Variants in SGPP2 observed in about 807,000 individuals in gnomAD.
The protein encoded by SGPP2 is sphingosine 1-phosphate phosphohydrolase 2.
In SGPP2, 30 loss-of-function variants were observed where a neutral mutation model predicts 33.9. That is an observed-to-expected ratio of 0.89 (90% CI 0.66 to 1.20). The LOEUF (loss-of-function observed/expected upper bound fraction) is 1.20. SGPP2 is among the 50% of genes most tolerant of loss of function. The pLI is 0.00. For synonymous variants in SGPP2, 233 were observed against 225.0 expected, an observed-to-expected ratio of 1.04 and a Z score of -0.32; for missense variants, 458 against 532.1, an observed-to-expected ratio of 0.86 and a Z score of 1.37.
chr2:222,487,846 A>T (rs767012678), intron 2 of SGPP2, among the ~76,000 whole-genome samples: 5 of 151,954 alleles, frequency 3.3e-5, no homozygotes, highest in Non-Finnish European at 7.4e-5. Flanking sequence ...GTCACTTAAC[A>T]CCCACCTCCC....
intron 2 of SGPP2, among the ~76,000 whole-genome samples, chr2:222,516,647 A>G (rs75767744): frequency 0.013 from 1,930 of 152,232 alleles, 25 homozygotes; most frequent in African/African-American, 0.031. Flanking sequence ...CTACCAAACT[A>G]TTTTCCAAAG....
intron 4 of SGPP2, among the ~76,000 whole-genome samples, chr2:222,539,913 A>C (rs1316996805): frequency 6.6e-6 from 1 of 152,182 alleles, no homozygotes; most frequent in Non-Finnish European, 1.5e-5. Context: ...ACTATGGGAA[A>C]CCATGCTTAG....
At chr2:222,439,758 TAAAC>T (rs753909628) in intron 1 of SGPP2, among the ~76,000 whole-genome samples, 2 of 152,302 alleles carry the variant, frequency 1.3e-5, no homozygotes, top group African/African-American at 4.8e-5. Flanking sequence ...ATAAAGGTGA[TAAAC>T]AAATTAGTAG....
intron 2 of SGPP2, among the ~76,000 whole-genome samples, chr2:222,510,429 G>A (rs1698509111): frequency 6.6e-6 from 1 of 152,204 alleles, no homozygotes; most frequent in Non-Finnish European, 1.5e-5. Context: ...GACATAACCA[G>A]TTCCTGACTT....
chr2:222,485,036 C>T (rs889632181), intron 2 of SGPP2, among the ~76,000 whole-genome samples: 14 of 152,218 alleles, frequency 9.2e-5, no homozygotes, highest in Non-Finnish European at 1.9e-4. Context: ...ACCCATTTTA[C>T]AGATGAGTAC....
chr2:222,529,567 T>G (rs1198721235), intron 4 of SGPP2, among the ~76,000 whole-genome samples: 1 of 152,182 alleles, frequency 6.6e-6, no homozygotes, highest in East Asian at 1.9e-4. Flanking sequence ...ACCCCTGACA[T>G]GAAGTGATCC....
At chr2:222,497,700 T>C (rs1043780970) in intron 2 of SGPP2, among the ~76,000 whole-genome samples, 10 of 152,308 alleles carry the variant, frequency 6.6e-5, no homozygotes, top group African/African-American at 2.4e-4. Context: ...GTGGTACAGA[T>C]TAAGCAATGT....
At chr2:222,470,041 A>G (rs988073162) in intron 1 of SGPP2, among the ~76,000 whole-genome samples, 1 of 152,144 alleles carries the variant, frequency 6.6e-6, no homozygotes, top group Non-Finnish European at 1.5e-5. Flanking sequence ...ACATGTTCTC[A>G]CTCATAAGTG....
At chr2:222,504,964 G>A (rs915047664) in intron 2 of SGPP2, 1 of 152,200 alleles carries the variant, frequency 6.6e-6, no homozygotes, top group Non-Finnish European at 1.5e-5. Context: ...GCCAAGTCCA[G>A]GAAGCAAGCA....
intron 2 of SGPP2, among the ~76,000 whole-genome samples, chr2:222,505,868 G>A (rs1015463771): frequency 6.0e-5 from 9 of 150,790 alleles, no homozygotes; most frequent in African/African-American, 2.2e-4. Context: ...CCTGGAGGTC[G>A]AGGCTGCAGT....
chr2:222,490,054 G>A (rs1431554133), intron 2 of SGPP2, among the ~76,000 whole-genome samples: 1 of 152,156 alleles, frequency 6.6e-6, no homozygotes, highest in Admixed American at 6.5e-5. Context: ...AAACATTTCA[G>A]CTACCTAAAA....
chr2:222,424,204 C>T (rs1166764125), upstream of SGPP2, among the ~76,000 whole-genome samples: 1 of 142,732 alleles, frequency 7.0e-6, no homozygotes, highest in Non-Finnish European at 1.5e-5. Flanking sequence ...CTAATGGGAG[C>T]GGCCGCAGGT....
At chr2:222,501,864 G>T (rs2106118519) in intron 2 of SGPP2, among the ~76,000 whole-genome samples, 1 of 152,236 alleles carries the variant, frequency 6.6e-6, no homozygotes, top group East Asian at 1.9e-4. Context: ...TTTTGTTAAG[G>T]GTTGGGGTTT....
chr2:222,526,195 A>G (rs1213724405), intron 4 of SGPP2, among the ~76,000 whole-genome samples: 1 of 144,466 alleles, frequency 6.9e-6, no homozygotes, highest in South Asian at 2.4e-4. Flanking sequence ...AATTCATGCT[A>G]CAAAACCCCA....
At chr2:222,458,054 T>C (rs1357180811) in intron 1 of SGPP2, among the ~76,000 whole-genome samples, 1 of 151,986 alleles carries the variant, frequency 6.6e-6, no homozygotes, top group East Asian at 1.9e-4. Context: ...TTTTGTTTTG[T>C]TTTTGTTTTT....
chr2:222,469,331 G>A (rs1016712577), intron 1 of SGPP2, among the ~76,000 whole-genome samples: 1 of 152,146 alleles, frequency 6.6e-6, no homozygotes. Flanking sequence ...TTACAGACAT[G>A]TGCCACCATG....
At chr2:222,453,728 A>T (rs1265277434) in intron 1 of SGPP2, among the ~76,000 whole-genome samples, 2 of 152,202 alleles carry the variant, frequency 1.3e-5, no homozygotes, top group African/African-American at 4.8e-5. Context: ...ATATATGTTG[A>T]TTGACTGTTT....
At chr2:222,432,267 G>C (rs540874252) in intron 1 of SGPP2, among the ~76,000 whole-genome samples, 1 of 152,148 alleles carries the variant, frequency 6.6e-6, no homozygotes, top group Non-Finnish European at 1.5e-5. Flanking sequence ...AACAAATGTA[G>C]GACTCACATG....
chr2:222,462,351 A>G (rs966760025), intron 1 of SGPP2, among the ~76,000 whole-genome samples: 2 of 152,174 alleles, frequency 1.3e-5, no homozygotes, highest in Admixed American at 6.5e-5. Flanking sequence ...TGTTAGAGCA[A>G]AAGTGAGCAG....
Sources: gnomAD v4.1 joint callset for allele counts (sites outside exome capture counted in the v4.1 genomes callset) on GRCh38, gnomAD v4.1.1 for gene constraint, MANE v1.5 for transcripts, NCBI Gene and HGNC (gene_info 2026-07-23, HGNC 2026-07-21) for gene names.